SLC4A10: variants seen among roughly 807,000 people sequenced by gnomAD.
SLC4A10 encodes the protein solute carrier family 4 member 10.
A neutral mutation model predicts 137.7 loss-of-function variants in SLC4A10; 42 were observed. The ratio of observed to expected loss-of-function variants is 0.30; its 90% CI spans 0.24 to 0.39. The LOEUF (loss-of-function observed/expected upper bound fraction) is 0.39. Ranked by LOEUF, SLC4A10 falls within the 10% of genes least tolerant of loss-of-function variation. The pLI is 1.00. For synonymous variants in SLC4A10, 474 were observed against 464.1 expected (o/e 1.02, Z -0.27); for missense variants, 925 against 1,355.0 (o/e 0.68, Z 4.98).
At chr2:161,741,395 C>T (rs1574689689) in intron 1 of SLC4A10, among the ~76,000 whole-genome samples, 1 of 151,658 alleles carries the variant, frequency 6.6e-6, no homozygotes, top group East Asian at 1.9e-4. Flanking sequence ...ATATTATTAA[C>T]TTTAGTCATA....
chr2:161,771,936 G>C (rs1168748074), intron 2 of SLC4A10, among the ~76,000 whole-genome samples: 1 of 151,426 alleles, frequency 6.6e-6, no homozygotes, highest in Non-Finnish European at 1.5e-5. Context: ...GAGAGGTAAG[G>C]GTTTTTTCAT....
At chr2:161,949,537 G>C (rs1393597934) in intron 18 of SLC4A10, among the ~76,000 whole-genome samples, 1 of 151,786 alleles carries the variant, frequency 6.6e-6, no homozygotes, top group Non-Finnish European at 1.5e-5. Context: ...ATTCTTAAAA[G>C]ATAAGGAAGC....
At chr2:161,857,990 G>T (rs1368554934) in intron 5 of SLC4A10, among the ~76,000 whole-genome samples, 1 of 152,052 alleles carries the variant, frequency 6.6e-6, no homozygotes, top group Non-Finnish European at 1.5e-5. Flanking sequence ...AGGATTACAG[G>T]CATGAGTCAC....
At chr2:161,702,422 C>T (rs1183389640) in intron 1 of SLC4A10, among the ~76,000 whole-genome samples, 1 of 151,690 alleles carries the variant, frequency 6.6e-6, no homozygotes, top group African/African-American at 2.4e-5. Context: ...TTTATATTTT[C>T]CTATCATTTA....
intron 1 of SLC4A10, among the ~76,000 whole-genome samples, chr2:161,757,612 C>T (rs549330515): frequency 6.6e-6 from 1 of 152,198 alleles, no homozygotes; most frequent in South Asian, 2.1e-4. Flanking sequence ...AATCACGTGG[C>T]TAAATAAGTA....
chr2:161,915,121 G>T (rs1686830679), intron 15 of SLC4A10, among the ~76,000 whole-genome samples: 1 of 152,122 alleles, frequency 6.6e-6, no homozygotes, highest in African/African-American at 2.4e-5. Flanking sequence ...GAGAGGAGAA[G>T]CAGCTAGACG....
chr2:161,924,219 T>G (rs1688668024), intron 15 of SLC4A10, among the ~76,000 whole-genome samples: 1 of 152,164 alleles, frequency 6.6e-6, no homozygotes, highest in Non-Finnish European at 1.5e-5. Flanking sequence ...AGAAATAAGT[T>G]CACCAATACA....
At chr2:161,829,074 TGC>T (rs1399071927) in intron 3 of SLC4A10, among the ~76,000 whole-genome samples, 6 of 151,930 alleles carry the variant, frequency 3.9e-5, no homozygotes, top group African/African-American at 1.5e-4. Context: ...ATGTCCTTAA[TGC>T]TGGTGTGGCC....
chr2:161,656,971 T>C (rs779498334), intron 1 of SLC4A10, among the ~76,000 whole-genome samples: 1 of 152,072 alleles, frequency 6.6e-6, no homozygotes, highest in Non-Finnish European at 1.5e-5. Context: ...TATGCAAAGA[T>C]TTATAATTTG....
At chr2:161,777,497 C>T (rs1469874767) in intron 2 of SLC4A10, among the ~76,000 whole-genome samples, 1 of 151,968 alleles carries the variant, frequency 6.6e-6, no homozygotes, top group Non-Finnish European at 1.5e-5. Flanking sequence ...CTGATAAAAA[C>T]ATACCCAAGA....
chr2:161,935,075 T>C (rs1023037607), intron 15 of SLC4A10, among the ~76,000 whole-genome samples: 1 of 152,204 alleles, frequency 6.6e-6, no homozygotes, highest in Non-Finnish European at 1.5e-5. Context: ...TGGTGTGAGA[T>C]AAGGGTCTGA....
intron 21 of SLC4A10, among the ~76,000 whole-genome samples, chr2:161,960,576 C>T (rs1696509149): frequency 2.6e-5 from 4 of 151,060 alleles, no homozygotes; most frequent in South Asian, 2.1e-4. Flanking sequence ...AAAAATCAGA[C>T]GGGTGTGGTG....
rs565384898 is a variant in SLC4A10, at chr2:161,737,341, C to T, written c.49-33632C>T. 5.2e-4 allele frequency among the ~76,000 whole-genome samples: 79 copies of T among 151,946 alleles called. 2 individuals carry two copies. In the South Asian group the frequency reaches 0.011, roughly 22 times the overall value. ...CCCATCAGGGAATAGGGTAAAGAAA[C>T]GATTCTCTATGTCTGGACTCAGCAT... On this transcript the variant is annotated intron_variant, in intron 1 of 26. Coordinates refer to ENST00000446997, the MANE Select transcript of SLC4A10 (RefSeq NM_001178015.2).
chr2:161,829,551 A>G (rs759863599), intron 3 of SLC4A10, among the ~76,000 whole-genome samples: 42 of 152,250 alleles, frequency 2.8e-4, no homozygotes, highest in Non-Finnish European at 5.6e-4. Flanking sequence ...GAATCTCAAT[A>G]TAATTGAACT....
chr2:161,974,228 ACTTTACATT>A lies in SLC4A10; in HGVS notation c.3160-20_3160-12del. ...GAGACTCATCAGGTTCACTTTATAT[ACTTTACATT>A]TGTCTTTTCAGGAAGAACAAAGTAT... On this transcript the variant is annotated splice_polypyrimidine_tract_variant and intron_variant, in intron 23 of 26. Transcript: ENST00000446997. 1 of 1,582,806 alleles carries A rather than the reference ACTTTACATT, an allele frequency of 6.3e-7. No homozygotes were observed. The highest frequency in any genetic ancestry group is 8.6e-7 in the Non-Finnish European group (1 of 1,163,268).
At position 161,743,526 on chromosome 2, in the gene SLC4A10, A is replaced by G. The variant is rs544367597; in HGVS notation, c.49-27447A>G. Reference sequence around the variant, plus strand: ...ACACTGTTTTGGTTACTATAGCTCTATAATATAATTTGAAGTCAGGTAATG... The same window carrying G: ...ACACTGTTTTGGTTACTATAGCTCTGTAATATAATTTGAAGTCAGGTAATG... On this transcript the variant is annotated intron_variant, in intron 1 of 26. Transcript: ENST00000446997. Among the ~76,000 whole-genome samples the G allele has an allele frequency of 7.2e-5, 11 of 152,028 alleles. No homozygotes were observed. In the East Asian group the frequency reaches 2.1e-3, roughly 29 times the overall value.
chr2:161,751,042 C>A (rs1050765554), intron 1 of SLC4A10, among the ~76,000 whole-genome samples: 1 of 151,776 alleles, frequency 6.6e-6, no homozygotes, highest in African/African-American at 2.4e-5. Context: ...CTCCTGCTTT[C>A]CTTTGGCTAC....
intron 3 of SLC4A10, among the ~76,000 whole-genome samples, chr2:161,809,283 C>A (rs2125626029): frequency 6.6e-6 from 1 of 152,156 alleles, no homozygotes; most frequent in Middle Eastern, 3.4e-3. Flanking sequence ...GGGTATCAGA[C>A]ATTTTTTGAA....
intron 4 of SLC4A10, among the ~76,000 whole-genome samples, chr2:161,854,365 T>C (rs1467128775): frequency 2.0e-5 from 3 of 152,150 alleles, no homozygotes; most frequent in Non-Finnish European, 4.4e-5. Context: ...AAGGTTCTTC[T>C]CTGATTATCC....
Sources: gnomAD v4.1 joint callset for allele counts (sites outside exome capture counted in the v4.1 genomes callset) on GRCh38, gnomAD v4.1.1 for gene constraint, MANE v1.5 for transcripts, NCBI Gene and HGNC (gene_info 2026-07-23, HGNC 2026-07-21) for gene names.